DSCAML1: variants seen among roughly 807,000 people sequenced by gnomAD.
The protein encoded by DSCAML1 is DS cell adhesion molecule like 1, also known as cell adhesion molecule DSCAML1.
Under a neutral mutation model 200.5 loss-of-function variants are expected in DSCAML1, and 38 were observed. The observed-to-expected ratio is 0.19, with a 90% confidence interval of 0.15 to 0.25. DSCAML1 has a LOEUF of 0.25. Among genes scored for constraint, DSCAML1 ranks in the 10% least tolerant of loss-of-function variants. DSCAML1 has a pLI of 1.00. For synonymous variants in DSCAML1, 1,215 were observed against 1,165.0 expected (o/e 1.04, Z -0.87); for missense variants, 2,223 against 2,858.8 (o/e 0.78, Z 5.07).
At chr11:117,669,689 C>T (rs1232552108) in intron 3 of DSCAML1, among the ~76,000 whole-genome samples, 1 of 152,230 alleles carries the variant, frequency 6.6e-6, no homozygotes, top group Non-Finnish European at 1.5e-5. Context: ...AGGAAACAGA[C>T]ATTTCCTGAG....
intron 3 of DSCAML1, among the ~76,000 whole-genome samples, chr11:117,768,645 C>T (rs1427606780): frequency 6.6e-6 from 1 of 152,118 alleles, no homozygotes; most frequent in East Asian, 1.9e-4. Context: ...TTTGAGTCTC[C>T]TCAGAGGCCC....
intron 3 of DSCAML1, among the ~76,000 whole-genome samples, chr11:117,715,308 C>G (rs987540870): frequency 2.0e-5 from 3 of 151,938 alleles, no homozygotes. Context: ...TCTCCTTCAG[C>G]TCTCCTTGCC....
intron 3 of DSCAML1, among the ~76,000 whole-genome samples, chr11:117,633,805 C>A (rs1286827908): frequency 6.6e-6 from 1 of 152,148 alleles, no homozygotes; most frequent in Non-Finnish European, 1.5e-5. Context: ...AGGTGCAGGC[C>A]CACCTGGTTG....
At chr11:117,534,565 T>C (rs923485298) in intron 3 of DSCAML1, among the ~76,000 whole-genome samples, 1 of 152,246 alleles carries the variant, frequency 6.6e-6, no homozygotes, top group African/African-American at 2.4e-5. Context: ...GCAGCTGTGA[T>C]GCCCTTTGAA....
At chr11:117,626,645 C>T (rs769098978) in intron 3 of DSCAML1, among the ~76,000 whole-genome samples, 1 of 152,146 alleles carries the variant, frequency 6.6e-6, no homozygotes, top group Non-Finnish European at 1.5e-5. Context: ...GGCGGATTCT[C>T]GAGCTGTACC....
At chr11:117,799,792 A>G (rs888543698), upstream of DSCAML1, among the ~76,000 whole-genome samples, 1 of 152,226 alleles carries the variant, frequency 6.6e-6, no homozygotes, top group Non-Finnish European at 1.5e-5. Context: ...CTGCCTTGGA[A>G]AGTCGTAGCG....
At chr11:117,638,504 C>T (rs1013208914) in intron 3 of DSCAML1, among the ~76,000 whole-genome samples, 4 of 152,142 alleles carry the variant, frequency 2.6e-5, no homozygotes, top group Non-Finnish European at 1.5e-5. Context: ...TTCATCATCC[C>T]CAAAAGAAAT....
intron 4 of DSCAML1, 26 bp downstream of exon 4, chr11:117,532,350 C>G (rs760976081): frequency 1.9e-6 from 3 of 1,606,002 alleles, no homozygotes; most frequent in South Asian, 1.1e-5. Context: ...CAGCCTGCCC[C>G]GTTCTCCCCA....
At chr11:117,450,838 TC>T in intron 19 of DSCAML1, 150 bp from the exon 20 acceptor site, 1 of 854,910 alleles carries the variant, frequency 1.2e-6, no homozygotes, top group Non-Finnish European at 1.7e-6. Context: ...GGAGGGTCCA[TC>T]CAGCATGGTA....
At chr11:117,712,031 C>T (rs567836855) in intron 3 of DSCAML1, among the ~76,000 whole-genome samples, 4 of 152,314 alleles carry the variant, frequency 2.6e-5, no homozygotes, top group South Asian at 2.1e-4. Flanking sequence ...TGCTTTAATG[C>T]ATATGCTTTT....
intron 3 of DSCAML1, among the ~76,000 whole-genome samples, chr11:117,646,300 A>T (rs536745615): frequency 6.6e-6 from 1 of 151,764 alleles, no homozygotes; most frequent in African/African-American, 2.4e-5. Flanking sequence ...GAGGTGTGGA[A>T]TCCCAGGGAA....
chr11:117,797,215 C>T lies in DSCAML1; in HGVS notation c.-136G>A. ...CTCTGCTCCTCAGCCCAGCGCTCGGCTGCGGCGGCGGCTCCTCCCTCCTCG... is the reference window on the plus strand; with the variant it reads ...CTCTGCTCCTCAGCCCAGCGCTCGGTTGCGGCGGCGGCTCCTCCCTCCTCG... On this transcript the variant is annotated 5_prime_UTR_variant, in exon 1 of 33. Coordinates refer to ENST00000651296, the MANE Select transcript of DSCAML1 (RefSeq NM_020693.4). 1 of 1,493,664 alleles carries T rather than the reference C, an allele frequency of 6.7e-7. No individual in the cohort carries two copies. The allele number at this position is 1,493,664 out of a possible 1,614,324, so 92.5% of individuals were successfully genotyped here.
intron 3 of DSCAML1, among the ~76,000 whole-genome samples, chr11:117,586,784 T>A (rs1308354050): frequency 6.6e-6 from 1 of 152,240 alleles, no homozygotes; most frequent in Admixed American, 6.5e-5. Context: ...CTGGGGACAT[T>A]GCCTGAGGCA....
intron 3 of DSCAML1, among the ~76,000 whole-genome samples, chr11:117,542,327 C>CA (rs11432643): frequency 0.17 from 21,642 of 129,680 alleles, 1,921 homozygotes; most frequent in Non-Finnish European, 0.22. Flanking sequence ...CAAAACAAAA[C>CA]ACAAAAACAA....
At chr11:117,473,267 C>T (rs529021254) in intron 14 of DSCAML1, among the ~76,000 whole-genome samples, 4 of 151,972 alleles carry the variant, frequency 2.6e-5, no homozygotes, top group African/African-American at 4.8e-5. Flanking sequence ...GAGGCCAAGG[C>T]GGGTGGATCA....
At chr11:117,606,000 C>T (rs1250402448) in intron 3 of DSCAML1, among the ~76,000 whole-genome samples, 2 of 152,128 alleles carry the variant, frequency 1.3e-5, no homozygotes, top group Non-Finnish European at 2.9e-5. Context: ...CATTATTGTC[C>T]TTTCCACTGT....
chr11:117,743,937 C>T (rs1171292464), intron 3 of DSCAML1, among the ~76,000 whole-genome samples: 2 of 152,192 alleles, frequency 1.3e-5, no homozygotes, highest in Non-Finnish European at 2.9e-5. Flanking sequence ...CATGTTCACT[C>T]GTTGGCCTCA....
intron 18 of DSCAML1, among the ~76,000 whole-genome samples, chr11:117,460,835 C>T (rs771527932): frequency 9.9e-5 from 15 of 152,262 alleles, no homozygotes; most frequent in African/African-American, 2.6e-4. Context: ...CGCCTTGCTG[C>T]GTGCCTGGCT....
At chr11:117,501,297 A>G (rs896204022) in intron 11 of DSCAML1, among the ~76,000 whole-genome samples, 1 of 152,118 alleles carries the variant, frequency 6.6e-6, no homozygotes, top group African/African-American at 2.4e-5. Context: ...CAGAACAAAT[A>G]TTCCAAAGAA....
Sources: gnomAD v4.1 joint callset for allele counts (sites outside exome capture counted in the v4.1 genomes callset) on GRCh38, gnomAD v4.1.1 for gene constraint, MANE v1.5 for transcripts, NCBI Gene and HGNC (gene_info 2026-07-23, HGNC 2026-07-21) for gene names.